The following PDE4D variants were observed in gnomAD, a reference collection of about 807,000 sequenced individuals.
PDE4D encodes the protein phosphodiesterase 4D.
A neutral mutation model predicts 87.4 loss-of-function variants in PDE4D; 24 were observed. The observed-to-expected ratio is 0.27, with a 90% CI of 0.20 to 0.39. The LOEUF is 0.39. PDE4D is among the 10% of genes least tolerant of loss of function. PDE4D has a pLI of 1.00. For missense variants in PDE4D, 714 were observed against 1,041.0 expected, an observed-to-expected ratio of 0.69 and a Z score of 4.32; for synonymous variants, 384 against 383.2, an observed-to-expected ratio of 1.00 and a Z score of -0.02.
At chr5:59,202,231 A>C (rs1449228249) in intron 2 of PDE4D, among the ~76,000 whole-genome samples, 1 of 151,890 alleles carries the variant, frequency 6.6e-6, no homozygotes. Flanking sequence ...TAGTAGAGAC[A>C]GGATTTCACC....
chr5:59,319,128 T>C (rs1464676145), intron 1 of PDE4D, among the ~76,000 whole-genome samples: 2 of 151,302 alleles, frequency 1.3e-5, no homozygotes, highest in Admixed American at 1.3e-4. Flanking sequence ...TTAAACTACA[T>C]GCTAATTTCA....
chr5:60,044,634 G>A (rs1035332538), intron 2 of PDE4D, among the ~76,000 whole-genome samples: 5 of 151,954 alleles, frequency 3.3e-5, no homozygotes, highest in Non-Finnish European at 5.9e-5. Flanking sequence ...TTGTTCTTGC[G>A]ATAGTTTACT....
chr5:59,299,374 C>T (rs147122955), intron 1 of PDE4D, among the ~76,000 whole-genome samples: 1 of 152,232 alleles, frequency 6.6e-6, no homozygotes, highest in East Asian at 1.9e-4. Flanking sequence ...TCCTGTTTCC[C>T]TCTGTGGGAA....
chr5:59,730,398 T>C (rs1757212391), intron 1 of PDE4D, among the ~76,000 whole-genome samples: 1 of 152,168 alleles, frequency 6.6e-6, no homozygotes, highest in Non-Finnish European at 1.5e-5. Flanking sequence ...TTATTTATTT[T>C]ATTAGTATTA....
intron 1 of PDE4D, among the ~76,000 whole-genome samples, chr5:60,484,943 T>C (rs115520099): frequency 1.1e-3 from 175 of 152,332 alleles, no homozygotes; most frequent in African/African-American, 4.0e-3. Flanking sequence ...ATTATTTTCA[T>C]TTTAAAGACA....
At chr5:60,228,302 T>C (rs1256162571) in intron 1 of PDE4D, among the ~76,000 whole-genome samples, 1 of 152,142 alleles carries the variant, frequency 6.6e-6, no homozygotes, top group Non-Finnish European at 1.5e-5. Flanking sequence ...TCATGTCTGC[T>C]TGATATACAG....
At chr5:59,154,619 G>A (rs1341449596) in intron 5 of PDE4D, among the ~76,000 whole-genome samples, 1 of 152,144 alleles carries the variant, frequency 6.6e-6, no homozygotes, top group Non-Finnish European at 1.5e-5. Flanking sequence ...GAGCATGGTG[G>A]CTCACACCTG....
intron 1 of PDE4D, among the ~76,000 whole-genome samples, chr5:60,509,270 C>G (rs1194646889): frequency 6.6e-6 from 1 of 152,160 alleles, no homozygotes; most frequent in African/African-American, 2.4e-5. Flanking sequence ...CAGCATTAAA[C>G]GTATCATGGA....
chr5:59,692,371 T>C (rs1351122776), intron 1 of PDE4D, among the ~76,000 whole-genome samples: 1 of 152,138 alleles, frequency 6.6e-6, no homozygotes, highest in Non-Finnish European at 1.5e-5. Context: ...TCCAAGGGGA[T>C]TGGGTGAAAG....
chr5:59,838,185 G>T (rs1436073058), intron 1 of PDE4D, among the ~76,000 whole-genome samples: 2 of 151,984 alleles, frequency 1.3e-5, no homozygotes, highest in African/African-American at 4.8e-5. Flanking sequence ...AAAGAGTGCA[G>T]AGCCCCACCT....
At chr5:59,427,595 A>T (rs986172171) in intron 1 of PDE4D, among the ~76,000 whole-genome samples, 1 of 152,140 alleles carries the variant, frequency 6.6e-6, no homozygotes, top group Non-Finnish European at 1.5e-5. Context: ...GCACTTTGGG[A>T]GGCCAAGGCA....
intron 5 of PDE4D, among the ~76,000 whole-genome samples, chr5:59,094,897 T>G (rs1327683647): frequency 6.6e-6 from 1 of 152,114 alleles, no homozygotes; most frequent in Non-Finnish European, 1.5e-5. Context: ...GTCATTCTTC[T>G]GAGACTCTGG....
intron 2 of PDE4D, among the ~76,000 whole-genome samples, chr5:60,119,388 T>C (rs1778460446): frequency 6.6e-6 from 1 of 152,208 alleles, no homozygotes; most frequent in African/African-American, 2.4e-5. Flanking sequence ...GCATGCCTTC[T>C]CTGTAACCAA....
chr5:59,907,515 A>T (rs1160839440), intron 3 of PDE4D, among the ~76,000 whole-genome samples: 1 of 152,112 alleles, frequency 6.6e-6, no homozygotes, highest in Non-Finnish European at 1.5e-5. Context: ...ATGAAATAAA[A>T]TAACCTGTTA....
chr5:60,182,313 T>A (rs1373236929), intron 2 of PDE4D, among the ~76,000 whole-genome samples: 1 of 152,240 alleles, frequency 6.6e-6, no homozygotes, highest in African/African-American at 2.4e-5. Context: ...CAGATCATTT[T>A]CAGTGTTACC....
At chr5:59,183,391 A>C (rs537954822) in intron 4 of PDE4D, among the ~76,000 whole-genome samples, 2 of 152,140 alleles carry the variant, frequency 1.3e-5, no homozygotes. Context: ...CCTGTATGTC[A>C]GCTGAAAACT....
At chr5:59,681,837 G>C (rs1479809127) in intron 1 of PDE4D, among the ~76,000 whole-genome samples, 1 of 145,872 alleles carries the variant, frequency 6.9e-6, no homozygotes, top group African/African-American at 2.5e-5. Context: ...GGAGGTGGAG[G>C]TTGCAGTGAG....
At chr5:59,856,750 C>A (rs542501022) in intron 1 of PDE4D, among the ~76,000 whole-genome samples, 238 of 152,250 alleles carry the variant, frequency 1.6e-3, no homozygotes, top group South Asian at 0.01. Context: ...CATTAAAATA[C>A]AAGGGAAGTC....
At chr5:59,453,256 T>C (rs1799427617) in intron 1 of PDE4D, among the ~76,000 whole-genome samples, 1 of 152,154 alleles carries the variant, frequency 6.6e-6, no homozygotes, top group Non-Finnish European at 1.5e-5. Context: ...ATCTCTCTCT[T>C]TCTCCTCAGT....
Sources: allele counts gnomAD v4.1 joint callset (sites outside exome capture counted in the v4.1 genomes callset), GRCh38; gene constraint gnomAD v4.1.1; transcripts MANE v1.5; gene names NCBI Gene and HGNC (gene_info 2026-07-23, HGNC 2026-07-21).